Variants in BMP7 observed in about 807,000 individuals in gnomAD.
The protein encoded by BMP7 is osteogenic protein 1.
In BMP7, 12 loss-of-function variants were observed where a neutral mutation model predicts 41.2. That is an observed-to-expected ratio of 0.29 (90% CI 0.19 to 0.47). The LOEUF is 0.47. Ranked by LOEUF, BMP7 falls within the 20% of genes least tolerant of loss-of-function variation. BMP7 has a pLI of 0.99. For missense variants in BMP7, 467 were observed against 606.0 expected (o/e 0.77, Z 2.41); for synonymous variants, 248 against 250.0 (o/e 0.99, Z 0.07).
In BMP7 at chr20:57,224,122, GA is replaced by G. The variant is rs1055579275; in HGVS notation, c.611+4106del. ...CTCTGCCTGGGCTGAAGGGACCCAG[GA>G]AACTGAGCCCAGGCCTCCTCTGCCA... On this transcript the variant is annotated intron_variant, in intron 2 of 6. Coordinates refer to ENST00000395863, the MANE Select transcript of BMP7 (RefSeq NM_001719.3). The surrounding 1 kb of genome is among the most constrained non-coding windows in gnomAD (Gnocchi z 4.8). Among the ~76,000 whole-genome samples the G allele has an allele frequency of 1.1e-4, 16 of 152,224 alleles. No individual in the cohort carries two copies. The highest frequency in any genetic ancestry group is 3.4e-4 in the African/African-American group (14 of 41,454).
intron 3 of BMP7, among the ~76,000 whole-genome samples, chr20:57,189,489 G>A (rs1416502035): frequency 2.0e-5 from 3 of 152,270 alleles, no homozygotes; most frequent in Non-Finnish European, 4.4e-5. Flanking sequence ...CCACACCTGT[G>A]AGGCTGGCCC....
chr20:57,254,150 G>A (rs2066125017), intron 1 of BMP7, among the ~76,000 whole-genome samples: 1 of 147,242 alleles, frequency 6.8e-6, no homozygotes, highest in South Asian at 2.2e-4. Flanking sequence ...AGCCTCCCAA[G>A]TAGCTGGGAC....
intron 2 of BMP7, among the ~76,000 whole-genome samples, chr20:57,217,607 G>A (rs1275989773): frequency 6.6e-6 from 1 of 152,164 alleles, no homozygotes; most frequent in African/African-American, 2.4e-5. Context: ...GATAGTGGGA[G>A]AGGACTCTGC....
intron 2 of BMP7, among the ~76,000 whole-genome samples, chr20:57,207,518 T>C (rs1385029351): frequency 6.6e-6 from 1 of 152,228 alleles, no homozygotes; most frequent in East Asian, 1.9e-4. Flanking sequence ...AACAGTCACA[T>C]TGTTTATAAC....
intron 3 of BMP7, among the ~76,000 whole-genome samples, chr20:57,186,703 A>G (rs964001960): frequency 7.9e-5 from 12 of 152,194 alleles, no homozygotes; most frequent in African/African-American, 2.7e-4. Context: ...GCCTGTTCAC[A>G]TCTGGAATTA....
At chr20:57,216,559 T>TCCTGAGGGCGAGGGGCTGC (rs1985032413) in intron 2 of BMP7, among the ~76,000 whole-genome samples, 3 of 145,518 alleles carry the variant, frequency 2.1e-5, no homozygotes, top group South Asian at 2.2e-4. Flanking sequence ...CGAGGGGCTG[T>TCCTGAGGGCGAGGGGCTGC]CTCCTGAGGG....
chr20:57,250,990 C>T (rs1016737425), intron 1 of BMP7, among the ~76,000 whole-genome samples: 3 of 152,214 alleles, frequency 2.0e-5, no homozygotes, highest in African/African-American at 7.2e-5. Flanking sequence ...TGGGGGCCAC[C>T]GTGCCCACTG....
chr20:57,226,031 C>A, intron 2 of BMP7: 1 of 448,812 alleles, frequency 2.2e-6, no homozygotes. Context: ...CTAGAATGGG[C>A]ACCCCCAGCC....
intron 3 of BMP7, among the ~76,000 whole-genome samples, chr20:57,184,820 G>A (rs1356069595): frequency 2.6e-5 from 4 of 152,220 alleles, no homozygotes; most frequent in African/African-American, 9.6e-5. Flanking sequence ...AGGAGCCTCT[G>A]AAGCCAGAAG....
Position 57,228,981 on chromosome 20 carries a change from G to A in BMP7, c.419-560C>T, listed in dbSNP as rs1327463327. Among the ~76,000 whole-genome samples the A allele has an allele frequency of 6.6e-6, 1 of 152,220 alleles. No homozygotes were observed. Among genetic ancestry groups the A allele is most frequent in the Non-Finnish European group, 1.5e-5 (1 of 68,034 alleles). On this transcript the variant is annotated intron_variant, in intron 1 of 6. Coordinates refer to ENST00000395863, the MANE Select transcript of BMP7 (RefSeq NM_001719.3). The surrounding 1 kb of genome is among the most constrained non-coding windows in gnomAD (Gnocchi z 4.5). Reference sequence around the variant, plus strand: ...CTAGTATGAGACATCTCTAGGACCAGGGGTTCTCAGCCCTGAATGCACATG... The same window carrying A: ...CTAGTATGAGACATCTCTAGGACCAAGGGTTCTCAGCCCTGAATGCACATG...
At chr20:57,245,200 C>T (rs1470027583) in intron 1 of BMP7, among the ~76,000 whole-genome samples, 1 of 152,196 alleles carries the variant, frequency 6.6e-6, no homozygotes, top group Non-Finnish European at 1.5e-5. Flanking sequence ...TCACTCATTT[C>T]AAGTTCACAT....
intron 2 of BMP7, among the ~76,000 whole-genome samples, chr20:57,205,785 A>C (rs1382059147): frequency 6.6e-6 from 1 of 152,186 alleles, no homozygotes; most frequent in Admixed American, 6.5e-5. Context: ...GCAGGCTATG[A>C]CACTGAGGCC....
In BMP7 at chr20:57,266,041, G is replaced by A. The variant is rs1215370311; in HGVS notation, c.82C>T (p.Leu28=). The part of the protein sequence containing the change: ...WAPLFLLRSA[L]ADFSLDNEVH... ...TCGTTGTCCAGGCTGAAGTCGGCCA[G>A]GGCGGAGCGCAGCAGGAACAGGGGT... Residue 28 remains leucine, a synonymous_variant, in exon 1 of 7, where the codon CTG becomes TTG. Transcript: ENST00000395863. 1 of 1,544,968 alleles carries A rather than the reference G, an allele frequency of 6.5e-7. No homozygotes were observed. The highest frequency in any genetic ancestry group is 1.2e-5 in the South Asian group (1 of 84,048).
At position 57,213,614 on chromosome 20, in the gene BMP7, C is replaced by A. The variant is rs533750779; in HGVS notation, c.612-10991G>T. Among the ~76,000 whole-genome samples, 6 of 152,184 alleles carry A rather than the reference C, an allele frequency of 3.9e-5. 1 individual carries two copies. In the South Asian group the frequency reaches 1.2e-3, roughly 32 times the overall value. On this transcript the variant is annotated intron_variant, in intron 2 of 6. Transcript: ENST00000395863. The surrounding 1 kb of genome is among the most constrained non-coding windows in gnomAD (Gnocchi z 4.4). ...GGGTCAAGAGGGAAGAGAAATACAG[C>A]GACAAATGGAAGGCTCTCCCTCATT...
chr20:57,236,270 C>T (rs1036480930), intron 1 of BMP7, among the ~76,000 whole-genome samples: 3 of 152,210 alleles, frequency 2.0e-5, no homozygotes, highest in Admixed American at 6.5e-5. Context: ...TGCCCACTGC[C>T]GGCCTGGAAT....
chr20:57,223,142 A>T (rs1024560830), intron 2 of BMP7, among the ~76,000 whole-genome samples: 4 of 151,978 alleles, frequency 2.6e-5, no homozygotes, highest in Non-Finnish European at 4.4e-5. Flanking sequence ...AGGCAGGAGA[A>T]TCACTTGAAC....
intron 3 of BMP7, among the ~76,000 whole-genome samples, chr20:57,185,130 A>C (rs1047247345): frequency 1.3e-5 from 2 of 152,222 alleles, no homozygotes; most frequent in Non-Finnish European, 2.9e-5. Context: ...AGAATGGTCC[A>C]CGTGGGAGGT....
intron 2 of BMP7, among the ~76,000 whole-genome samples, chr20:57,217,038 G>A (rs540190797): frequency 1.1e-4 from 17 of 152,256 alleles, no homozygotes; most frequent in South Asian, 4.1e-4. Context: ...GTGAGCCCCC[G>A]CATGTGGAAC....
chr20:57,216,527 C>T (rs546512754), intron 2 of BMP7, among the ~76,000 whole-genome samples: 5 of 147,616 alleles, frequency 3.4e-5, no homozygotes, highest in East Asian at 2.0e-4. Flanking sequence ...CTCCTGAGGG[C>T]GAGGGGGCTG....
Sources: allele counts gnomAD v4.1 joint callset (sites outside exome capture counted in the v4.1 genomes callset), GRCh38; gene constraint gnomAD v4.1.1; non-coding constraint Gnocchi (gnomAD v3.1); transcripts MANE v1.5; gene names NCBI Gene and HGNC (gene_info 2026-07-23, HGNC 2026-07-21).